The following FTSJ3 variants were observed in gnomAD, a reference collection of about 807,000 sequenced individuals.
FTSJ3 encodes the protein pre-rRNA 2'-O-ribose RNA methyltransferase FTSJ3.
A neutral mutation model predicts 111.5 loss-of-function variants in FTSJ3; 46 were observed. The ratio of observed to expected loss-of-function variants is 0.41; its 90% CI spans 0.33 to 0.53. The LOEUF (loss-of-function observed/expected upper bound fraction) is 0.53. FTSJ3 is among the 20% of genes least tolerant of loss of function. FTSJ3 has a pLI of 0.19. For missense variants in FTSJ3, 1,075 were observed against 1,063.8 expected, an observed-to-expected ratio of 1.01 and a Z score of -0.15; for synonymous variants, 408 against 383.0, an observed-to-expected ratio of 1.07 and a Z score of -0.76.
intron 13 of FTSJ3, 115 bp from the exon 14 acceptor site, chr17:63,822,283 C>T (rs2040059195): frequency 2.4e-6 from 2 of 843,018 alleles, no homozygotes; most frequent in African/African-American, 1.7e-5. Context: ...CTGGCAAATC[C>T]ATTATCCTTT....
intron 10 of FTSJ3, 39 bp downstream of exon 10, chr17:63,824,598 T>G (rs1332025630): frequency 6.5e-7 from 1 of 1,543,332 alleles, no homozygotes; most frequent in Non-Finnish European, 9.0e-7. Context: ...TTTCCCTGCC[T>G]CCAGGGCTCC....
In FTSJ3 at chr17:63,821,163, C is replaced by T; in HGVS notation, c.1887-48G>A. ...AGTGATTCCACCACTCTGTACTACT[C>T]AGACCGCACTCCCACGGAATTTGCA... is the stretch of plus-strand genomic sequence containing the variant. On this transcript the variant is annotated intron_variant, in intron 16 of 20. Coordinates refer to ENST00000427159, the MANE Select transcript of FTSJ3 (RefSeq NM_017647.4). 1.9e-6 allele frequency: 3 copies of T among 1,594,330 alleles called. No individual in the cohort carries two copies. The South Asian group carries it at 3.3e-5, about 18-fold the overall frequency.
chr17:63,824,205 C>T lies in FTSJ3; in HGVS notation c.1033G>A (p.Glu345Lys), dbSNP rs1439025412. ...SSGEEDEGDEEDSTAGTTKQP... is the reference protein window; with the variant it reads ...SSGEEDEGDEKDSTAGTTKQP... ...TTTGTGGTTCCAGCTGTTGAGTCCT[C>T]CTCATCACCTTCATCTTCCTCTCCA... The change falls in exon 12 of 21, where the codon GAG (glutamate) becomes AAG (lysine). Residue 345 changes from glutamate to lysine, a missense_variant. Coordinates refer to ENST00000427159, the MANE Select transcript of FTSJ3 (RefSeq NM_017647.4). 1 of 1,614,152 alleles carries T rather than the reference C, an allele frequency of 6.2e-7. No individual in the cohort carries two copies. The highest frequency in any genetic ancestry group is 2.2e-5 in the East Asian group (1 of 44,880).
Position 63,821,022 on chromosome 17 carries a change from G to C in FTSJ3, c.1972+8C>G, listed in dbSNP as rs1390504414. On this transcript the variant is annotated splice_region_variant and intron_variant, in intron 17 of 20. Coordinates refer to ENST00000427159, the MANE Select transcript of FTSJ3 (RefSeq NM_017647.4). Reference sequence around the variant, plus strand: ...CTTTTCTCATTCCACTGCATACAGAGCTCTCACCTGGGTCCTCAATAGGCA... The same window carrying C: ...CTTTTCTCATTCCACTGCATACAGACCTCTCACCTGGGTCCTCAATAGGCA... 3 of 1,613,558 alleles carry C rather than the reference G, an allele frequency of 1.9e-6. No individual in the cohort carries two copies. Among genetic ancestry groups the C allele is most frequent in the Non-Finnish European group, 2.5e-6 (3 of 1,179,520 alleles).
Position 63,821,059 on chromosome 17 carries a change from C to T in FTSJ3, c.1943G>A (p.Gly648Glu), listed in dbSNP as rs149209816. 6.2e-7 allele frequency: 1 copy of T among 1,614,184 alleles called. No homozygotes were observed. The highest frequency in any genetic ancestry group is 8.5e-7 in the Non-Finnish European group (1 of 1,180,026). ...GTCCTCAATAGGCACTATCTCAAACCCGTCATCATCTGACTTAGGCCCACG... is the reference window on the plus strand; with the variant it reads ...GTCCTCAATAGGCACTATCTCAAACTCGTCATCATCTGACTTAGGCCCACG... ...RSRGPKSDDD[G>E]FEIVPIEDPA... The change falls in exon 17 of 21, where the codon GGG (glycine) becomes GAG (glutamate). Residue 648 changes from glycine (G) to glutamate (E), a missense_variant. Transcript: ENST00000427159.
rs2040036720 is a variant in FTSJ3 at position 63,820,309 on chromosome 17, G to A, written c.2202C>T (p.Ile734=). The stretch of plus-strand genomic sequence containing the variant: ...CCACCTTCTTGATGGGACGTGCATT[G>A]ATTTCCCGCCAGCGTTTCCGGTAAT... ...VEHYRKRWRE[I]NARPIKKVAE... The change falls in exon 19 of 21, where the codon ATC becomes ATT. Residue 734 remains isoleucine, a synonymous_variant. Transcript: ENST00000427159. The A allele has an allele frequency of 1.2e-6, 2 of 1,608,812 alleles. No homozygotes were observed. Among genetic ancestry groups the A allele is most frequent in the African/African-American group, 2.7e-5 (2 of 73,238 alleles).
At chr17:63,822,299 A>C in intron 13 of FTSJ3, 131 bp from the exon 14 acceptor site, 3 of 746,298 alleles carry the variant, frequency 4.0e-6, no homozygotes, top group East Asian at 2.8e-5. Context: ...CCTTTCACAG[A>C]TGGGAAAGCT....
chr17:63,825,889 TA>T (rs2040094874), intron 5 of FTSJ3, 166 bp downstream of exon 5: 2 of 661,006 alleles, frequency 3.0e-6, no homozygotes, highest in African/African-American at 3.6e-5. Flanking sequence ...TCCCTGACTC[TA>T]AATAAAGCCT....
At chr17:63,825,186 A>AT (rs1567753991) in intron 7 of FTSJ3, 23 bp from the exon 8 acceptor site, 1 of 1,613,842 alleles carries the variant, frequency 6.2e-7, no homozygotes, top group South Asian at 1.1e-5. Context: ...GGATATATTA[A>AT]AAAGTGTGCT....
At position 63,825,928 on chromosome 17, in the gene FTSJ3, C is replaced by A. The variant is rs537743573; in HGVS notation, c.300+128G>T. The A allele has an allele frequency of 7.8e-6, 6 of 767,882 alleles. No homozygotes were observed. The African/African-American group carries it at 1.0e-4, about 13-fold the overall frequency. The allele number at this position is 767,882 out of a possible 1,614,324, so 47.6% of individuals were successfully genotyped here. On this transcript the variant is annotated intron_variant, in intron 5 of 20. Coordinates refer to ENST00000427159, the MANE Select transcript of FTSJ3 (RefSeq NM_017647.4). ...AGTGGACACTACGAATGCCATAGGT[C>A]TTGTCGTACAGATGTCAGGCAAGAA...
Position 63,821,391 on chromosome 17 carries a change from C to CT in FTSJ3, c.1848dup (p.Asp617ArgfsTer3), listed in dbSNP as rs1239295965. 1.2e-6 allele frequency: 2 copies of CT among 1,613,728 alleles called. No homozygotes were observed. The highest frequency in any genetic ancestry group is 1.7e-6 in the Non-Finnish European group (2 of 1,179,970). On this transcript the variant is annotated frameshift_variant, in exon 16 of 21. Coordinates refer to ENST00000427159, the MANE Select transcript of FTSJ3 (RefSeq NM_017647.4). LOFTEE classifies it high-confidence loss of function. ...TCACTGCTAGTACTGCTATCACTGTCTGAGATGCCATCCTTTTCTTCCCCT... is the reference window on the plus strand; with the variant it reads ...TCACTGCTAGTACTGCTATCACTGTCTTGAGATGCCATCCTTTTCTTCCCCT...
chr17:63,819,519 TG>T lies in FTSJ3; in HGVS notation c.*282del. 4 of 376,356 alleles carry T rather than the reference TG, an allele frequency of 1.1e-5. No homozygotes were observed. Among genetic ancestry groups the T allele is most frequent in the South Asian group, 1.1e-4 (2 of 18,180 alleles). The allele number at this position is 376,356 out of a possible 1,614,324, so 23.3% of individuals were successfully genotyped here. On this transcript the variant is annotated 3_prime_UTR_variant, in exon 21 of 21. Transcript: ENST00000427159. ...ACGTCCAGGTGTAGACTGACTACAT[TG>T]AGTATCGCTCCAACACCGAACTTCC...
chr17:63,823,707 A>G, intron 13 of FTSJ3, 110 bp downstream of exon 13: 1 of 1,251,406 alleles, frequency 8.0e-7, no homozygotes, highest in Non-Finnish European at 1.1e-6. Context: ...TGAAGACAGC[A>G]ACCACAGCCT....
Position 63,824,315 on chromosome 17 carries a change from T to TGCGTTCTCTCCTCACC in FTSJ3, c.998_998+15dup, listed in dbSNP as rs755600478. 5.6e-6 allele frequency: 9 copies of TGCGTTCTCTCCTCACC among 1,614,182 alleles called. No homozygotes were observed. The highest frequency in any genetic ancestry group is 7.6e-6 in the Non-Finnish European group (9 of 1,180,004). ...GACACCCAGTCCACACCTGCCTCGC[T>TGCGTTCTCTCCTCACC]GCGTTCTCTCCTCACCTGATGTCCA... is the stretch of plus-strand genomic sequence containing the variant. On this transcript the variant is annotated intron_variant, in intron 11 of 20. Coordinates refer to ENST00000427159, the MANE Select transcript of FTSJ3 (RefSeq NM_017647.4).
chr17:63,822,149 T>C lies in FTSJ3; in HGVS notation c.1310A>G (p.Gln437Arg), dbSNP rs1001759498. Reference sequence around the variant, plus strand: ...TGTGTCTGCTGCACTCATATCCCCTTGTGTTACTTCCTCTAATAACTGAAG... The same window carrying C: ...TGTGTCTGCTGCACTCATATCCCCTCGTGTTACTTCCTCTAATAACTGAAG... ...RGHQLLEEVTQGDMSAADTFL... is the reference protein window; with the variant it reads ...RGHQLLEEVTRGDMSAADTFL... Residue 437 changes from glutamine to arginine, a missense_variant, in exon 14 of 21, where the codon CAA becomes CGA. Gln to Arg is a conservative substitution (Grantham distance 43). Coordinates refer to ENST00000427159, the MANE Select transcript of FTSJ3 (RefSeq NM_017647.4). 6.2e-7 allele frequency: 1 copy of C among 1,613,806 alleles called. No individual in the cohort carries two copies. Among genetic ancestry groups the C allele is most frequent in the African/African-American group, 1.3e-5 (1 of 74,922 alleles).
At chr17:63,822,606 G>A (rs2040061921) in intron 13 of FTSJ3, among the ~76,000 whole-genome samples, 1 of 152,162 alleles carries the variant, frequency 6.6e-6, no homozygotes, top group African/African-American at 2.4e-5. Context: ...TAAACCAATT[G>A]TCAGAACCTT....
At position 63,827,395 on chromosome 17, in the gene FTSJ3, ATTC is replaced by A; in HGVS notation, c.-373_-371del. On this transcript the variant is annotated 5_prime_UTR_variant, in exon 1 of 21. Coordinates refer to ENST00000427159, the MANE Select transcript of FTSJ3 (RefSeq NM_017647.4). Reference sequence around the variant, plus strand: ...CGCACACCCCGCCCATTGACCCGGAATTCTTCTCTGCCTGGTCTTCAGGTCCCA... The same window carrying A: ...CGCACACCCCGCCCATTGACCCGGAATTCTCTGCCTGGTCTTCAGGTCCCA... The A allele has an allele frequency of 1.3e-6, 2 of 1,530,922 alleles. No homozygotes were observed. The highest frequency in any genetic ancestry group is 2.5e-5 in the East Asian group (1 of 40,750). 94.8% of individuals were successfully genotyped at this position (1,530,922 alleles called of 1,614,324 possible).
Position 63,827,092 on chromosome 17 carries a change from AG to A in FTSJ3, c.-68del. ...CTTTCTCCACACTTGGAACCGCACA[AG>A]TATGCAGCTAACTACTTCCGCTTCC... On this transcript the variant is annotated 5_prime_UTR_variant, in exon 1 of 21. The change abolishes the stop of an existing upstream ORF in the 5' untranslated region. Coordinates refer to ENST00000427159, the MANE Select transcript of FTSJ3 (RefSeq NM_017647.4). 5.3e-6 allele frequency: 3 copies of A among 567,450 alleles called. No homozygotes were observed. The highest frequency in any genetic ancestry group is 8.9e-6 in the Non-Finnish European group (3 of 338,312). The allele number at this position is 567,450 out of a possible 1,614,324, so 35.2% of individuals were successfully genotyped here.
Position 63,821,370 on chromosome 17 carries a change from T to C in FTSJ3, c.1870A>G (p.Ser624Gly). 6.2e-7 allele frequency: 1 copy of C among 1,612,398 alleles called. No homozygotes were observed. Among genetic ancestry groups the C allele is most frequent in the South Asian group, 1.1e-5 (1 of 90,874 alleles). Residue 624 changes from serine to glycine, a missense_variant, in exon 16 of 21, where the codon AGT becomes GGT. Ser to Gly is a moderately conservative substitution (Grantham distance 56). Coordinates refer to ENST00000427159, the MANE Select transcript of FTSJ3 (RefSeq NM_017647.4). ...GISDSDSSTSSEEEESWEPLR... is the reference protein window; with the variant it reads ...GISDSDSSTSGEEEESWEPLR... ...ACTACTCACCTCTCTTCTTCCTCACTGCTAGTACTGCTATCACTGTCTGAG... is the reference window on the plus strand; with the variant it reads ...ACTACTCACCTCTCTTCTTCCTCACCGCTAGTACTGCTATCACTGTCTGAG...
Sources: allele counts gnomAD v4.1 joint callset (sites outside exome capture counted in the v4.1 genomes callset), GRCh38; gene constraint gnomAD v4.1.1; transcripts MANE v1.5; gene names NCBI Gene and HGNC (gene_info 2026-07-23, HGNC 2026-07-21).